Variants in BMPR1B observed in about 807,000 individuals in gnomAD.
BMPR1B encodes bone morphogenetic protein receptor type 1B, also known as bone morphogenetic protein receptor type-1B.
BMPR1B carries 12 observed loss-of-function variants against 59.1 expected under a neutral mutation model. The ratio of observed to expected loss-of-function variants is 0.20; its 90% CI spans 0.13 to 0.33. The LOEUF (loss-of-function observed/expected upper bound fraction) is 0.33. Among genes scored for constraint, BMPR1B ranks in the 10% least tolerant of loss-of-function variants. The pLI, the probability that BMPR1B is intolerant of heterozygous loss-of-function variation, is 1.00. For missense variants in BMPR1B, 550 were observed against 610.9 expected, an observed-to-expected ratio of 0.90 and a Z score of 1.05; for synonymous variants, 237 against 207.3, an observed-to-expected ratio of 1.14 and a Z score of -1.23.
chr4:94,800,190 T>A (rs143510634), intron 1 of BMPR1B, among the ~76,000 whole-genome samples: 1 of 152,338 alleles, frequency 6.6e-6, no homozygotes, highest in Admixed American at 6.5e-5. Context: ...CCTCATTGGC[T>A]AGATTAAGCC....
intron 10 of BMPR1B, among the ~76,000 whole-genome samples, chr4:95,138,131 G>T (rs1411758547): frequency 6.6e-6 from 1 of 152,128 alleles, no homozygotes; most frequent in African/African-American, 2.4e-5. Flanking sequence ...GCATTTGCTT[G>T]TCTGTAAAGT....
Position 94,986,544 on chromosome 4 carries a change from CT to C in BMPR1B, c.-112-9487del, listed in dbSNP as rs140475978. ...GAAGTGAGATTTTTCATTTTTAGTCCTTTTTTTTTCATTACTCTTTAGTTAT... is the reference window on the plus strand; with the variant it reads ...GAAGTGAGATTTTTCATTTTTAGTCCTTTTTTTTCATTACTCTTTAGTTAT... On this transcript the variant is annotated intron_variant, in intron 2 of 12. Coordinates refer to ENST00000515059, the MANE Select transcript of BMPR1B (RefSeq NM_001203.3). Among the ~76,000 whole-genome samples the C allele has an allele frequency of 1.2e-4, 18 of 150,846 alleles. 1 individual carries two copies. Among genetic ancestry groups the C allele is most frequent in the Admixed American group, 9.3e-4 (14 of 15,088 alleles).
intron 3 of BMPR1B, among the ~76,000 whole-genome samples, chr4:95,080,124 A>G (rs934032221): frequency 3.9e-5 from 6 of 152,180 alleles, no homozygotes; most frequent in African/African-American, 1.4e-4. Context: ...ACGTTTTCTT[A>G]ATTCTTTTCT....
intron 1 of BMPR1B, among the ~76,000 whole-genome samples, chr4:94,855,431 A>G (rs1725719381): frequency 6.6e-6 from 1 of 152,212 alleles, no homozygotes; most frequent in Non-Finnish European, 1.5e-5. Flanking sequence ...TCTAAATTGC[A>G]CTGGTGTGCC....
intron 1 of BMPR1B, among the ~76,000 whole-genome samples, chr4:94,784,573 G>C (rs944429608): frequency 6.6e-6 from 1 of 151,964 alleles, no homozygotes; most frequent in African/African-American, 2.4e-5. Flanking sequence ...GCACAGACTA[G>C]TCTTATACTC....
chr4:95,117,960 T>C (rs1732194256), intron 6 of BMPR1B, among the ~76,000 whole-genome samples: 1 of 152,048 alleles, frequency 6.6e-6, no homozygotes, highest in Non-Finnish European at 1.5e-5. Flanking sequence ...GTAGGAACAA[T>C]GAGAAGACAA....
At chr4:94,981,003 A>ACGCGCGTGTACGCGCGCGCG (rs141994255) in intron 2 of BMPR1B, among the ~76,000 whole-genome samples, 3 of 90,796 alleles carry the variant, frequency 3.3e-5, no homozygotes, top group African/African-American at 1.1e-4. Context: ...ACACACACAC[A>ACGCGCGTGTACGCGCGCGCG]CACACACACA....
At chr4:95,067,163 TG>T (rs1437167183) in intron 3 of BMPR1B, among the ~76,000 whole-genome samples, 1 of 152,212 alleles carries the variant, frequency 6.6e-6, no homozygotes, top group African/African-American at 2.4e-5. Context: ...GTGCTTTCTT[TG>T]TATGCCATTT....
intron 6 of BMPR1B, 30 bp from the exon 7 acceptor site, chr4:95,123,780 G>C (rs1320221248): frequency 8.7e-6 from 13 of 1,492,458 alleles, no homozygotes; most frequent in Non-Finnish European, 1.1e-5. Context: ...ATATTCTCTT[G>C]ATTATGGCTC....
chr4:95,003,508 A>G (rs1396963841), intron 3 of BMPR1B, among the ~76,000 whole-genome samples: 1 of 152,214 alleles, frequency 6.6e-6, no homozygotes, highest in Admixed American at 6.5e-5. Flanking sequence ...AAATTACTGT[A>G]GACAAGAGGC....
rs148232978 is a variant in BMPR1B at position 94,975,912 on chromosome 4, A to G, written c.-112-20128A>G. Among the ~76,000 whole-genome samples the G allele has an allele frequency of 6.6e-5, 10 of 152,328 alleles. No individual in the cohort carries two copies. In the East Asian group the frequency reaches 9.6e-4, roughly 15 times the overall value. Reference sequence around the variant, plus strand: ...GGTGCTTTTTGTTTCTATTAATTCTATCTGTATAACAGGTCATTGAAATCC... The same window carrying G: ...GGTGCTTTTTGTTTCTATTAATTCTGTCTGTATAACAGGTCATTGAAATCC... On this transcript the variant is annotated intron_variant, in intron 2 of 12. Transcript: ENST00000515059.
intron 1 of BMPR1B, among the ~76,000 whole-genome samples, chr4:94,853,356 C>T (rs1440945009): frequency 6.6e-6 from 1 of 151,986 alleles, no homozygotes; most frequent in Admixed American, 6.6e-5. Context: ...GAATACAAAC[C>T]ACTTAAGTGA....
intron 3 of BMPR1B, among the ~76,000 whole-genome samples, chr4:95,092,505 C>T (rs1033058349): frequency 6.6e-6 from 1 of 151,994 alleles, no homozygotes; most frequent in Non-Finnish European, 1.5e-5. Context: ...CAGAGATAGA[C>T]CTTTAAACTC....
At chr4:95,068,324 T>C (rs1484231268) in intron 3 of BMPR1B, among the ~76,000 whole-genome samples, 2 of 152,232 alleles carry the variant, frequency 1.3e-5, no homozygotes, top group Non-Finnish European at 2.9e-5. Context: ...TCTCACATAA[T>C]AGACATGGCT....
intron 2 of BMPR1B, among the ~76,000 whole-genome samples, chr4:94,972,980 G>C (rs1235176375): frequency 6.6e-6 from 1 of 152,018 alleles, no homozygotes; most frequent in Non-Finnish European, 1.5e-5. Flanking sequence ...GTGTTGGCAG[G>C]AACAAACTCC....
intron 2 of BMPR1B, among the ~76,000 whole-genome samples, chr4:94,936,462 G>A (rs905269100): frequency 6.6e-6 from 1 of 152,094 alleles, no homozygotes; most frequent in Non-Finnish European, 1.5e-5. Context: ...AGGTATGTTT[G>A]CAGCTTCTTT....
At chr4:94,842,294 T>A (rs6834911) in intron 1 of BMPR1B, among the ~76,000 whole-genome samples, 92,919 of 151,580 alleles carry the variant, frequency 0.61, 29,450 homozygotes, top group African/African-American at 0.78. Flanking sequence ...GGAGATAAGT[T>A]TAAGCAAGTC....
At chr4:94,881,421 G>A (rs1726965327) in intron 2 of BMPR1B, among the ~76,000 whole-genome samples, 1 of 151,960 alleles carries the variant, frequency 6.6e-6, no homozygotes, top group African/African-American at 2.4e-5. Context: ...GAAGAATTTG[G>A]CAACGAGAGG....
intron 3 of BMPR1B, among the ~76,000 whole-genome samples, chr4:95,052,868 G>T (rs1014800838): frequency 6.6e-6 from 1 of 152,134 alleles, no homozygotes; most frequent in Non-Finnish European, 1.5e-5. Context: ...AAAAATTGTT[G>T]TAGGGAGAAT....
Sources: gnomAD v4.1 joint callset for allele counts (sites outside exome capture counted in the v4.1 genomes callset) on GRCh38, gnomAD v4.1.1 for gene constraint, MANE v1.5 for transcripts, NCBI Gene and HGNC (gene_info 2026-07-23, HGNC 2026-07-21) for gene names.